The following RP1 variants were observed in gnomAD, a reference collection of about 807,000 sequenced individuals.
RP1 encodes the protein oxygen-regulated protein 1.
RP1 carries 16 observed loss-of-function variants against 14.8 expected under a neutral mutation model. The observed-to-expected ratio is 1.08, with a 90% CI of 0.73 to 1.65. The LOEUF is 1.65. Ranked by LOEUF, RP1 falls within the 40% of genes most tolerant of loss-of-function variation. The pLI, the probability that RP1 is intolerant of heterozygous loss-of-function variation, is 0.00. For synonymous variants in RP1, 876 were observed against 883.6 expected, an observed-to-expected ratio of 0.99 and a Z score of 0.15; for missense variants, 2,631 against 2,535.0, an observed-to-expected ratio of 1.04 and a Z score of -0.81.
At chr8:54,724,346 A>G (rs998470605) in intron 16 of RP1, among the ~76,000 whole-genome samples, 10 of 152,218 alleles carry the variant, frequency 6.6e-5, no homozygotes, top group African/African-American at 1.2e-4. Flanking sequence ...TCAATAAAAC[A>G]AAAGACTTTT....
intron 1 of RP1, among the ~76,000 whole-genome samples, chr8:54,570,437 A>G (rs765169971): frequency 1.3e-5 from 2 of 150,038 alleles, no homozygotes; most frequent in Non-Finnish European, 3.0e-5. Flanking sequence ...GTAGTGATTC[A>G]CCAGCCTCAG....
At chr8:54,581,587 TTCC>T (rs1804792770) in intron 1 of RP1, among the ~76,000 whole-genome samples, 1 of 152,216 alleles carries the variant, frequency 6.6e-6, no homozygotes. Flanking sequence ...CCACACTGAC[TTCC>T]ACAATGGTGG....
intron 1 of RP1, among the ~76,000 whole-genome samples, chr8:54,582,729 A>G (rs915020734): frequency 8.6e-5 from 13 of 152,036 alleles, no homozygotes; most frequent in Non-Finnish European, 1.6e-4. Flanking sequence ...ATACCTTGTA[A>G]GTTGGATTCC....
chr8:54,626,167 T>C lies in RP1; in HGVS notation c.2285T>C (p.Leu762Ser). ...TCCAAGAATTTCCATAGAAATAAAT[T>C]AAATACTACTCAAAATTCCAAGGTT... ...TISKNFHRNKLNTTQNSKVQG... is the reference protein window; with the variant it reads ...TISKNFHRNKSNTTQNSKVQG... Residue 762 changes from leucine (L) to serine (S), a missense_variant, in exon 4 of 4, where the codon TTA (leucine) becomes TCA (serine). Physicochemically the swap from Leu to Ser is moderately radical, Grantham distance 145 (BLOSUM62 -2). Coordinates refer to ENST00000220676, the MANE Select transcript of RP1 (RefSeq NM_006269.2). 6.2e-7 allele frequency: 1 copy of C among 1,611,540 alleles called. No homozygotes were observed. Among genetic ancestry groups the C allele is most frequent in the Non-Finnish European group, 8.5e-7 (1 of 1,178,734 alleles).
intron 1 of RP1, among the ~76,000 whole-genome samples, chr8:54,592,460 C>T (rs771890503): frequency 6.6e-6 from 1 of 152,196 alleles, no homozygotes; most frequent in Non-Finnish European, 1.5e-5. Context: ...GTGATTTCCT[C>T]ATCAGGCCAG....
chr8:54,720,072 A>G (rs574224137), intron 15 of RP1: 13 of 1,314,346 alleles, frequency 9.9e-6, no homozygotes, highest in Non-Finnish European at 1.3e-5. Context: ...GACTGGTTTT[A>G]AATTCTGTCT....
intron 17 of RP1, among the ~76,000 whole-genome samples, chr8:54,727,403 AG>A (rs1478704720): frequency 6.6e-6 from 1 of 152,144 alleles, no homozygotes; most frequent in Non-Finnish European, 1.5e-5. Flanking sequence ...TATCTAAATC[AG>A]GGATGGCCAC....
intron 24 of RP1, among the ~76,000 whole-genome samples, chr8:54,827,205 T>C (rs1777948418): frequency 6.6e-6 from 1 of 152,190 alleles, no homozygotes; most frequent in African/African-American, 2.4e-5. Context: ...ACTAGATTTA[T>C]AAAAAATATT....
exon 29 of RP1, chr8:54,870,634 C>T (rs1812568016): frequency 6.6e-6 from 1 of 152,166 alleles, no homozygotes; most frequent in African/African-American, 2.4e-5. Flanking sequence ...CATGAAGCCT[C>T]AAATACTTGT....
chr8:54,864,544 G>T (rs1812418493), intron 27 of RP1, among the ~76,000 whole-genome samples: 1 of 152,112 alleles, frequency 6.6e-6, no homozygotes, highest in African/African-American at 2.4e-5. Flanking sequence ...AATGTTTACA[G>T]ATCATCAAGC....
chr8:54,766,975 T>C (rs1322939242), intron 22 of RP1, among the ~76,000 whole-genome samples: 2 of 152,194 alleles, frequency 1.3e-5, no homozygotes, highest in Non-Finnish European at 2.9e-5. Context: ...CATCTGTTCA[T>C]TGGCTTTGGG....
chr8:54,867,941 G>A lies in RP1; in HGVS notation c.4152-1902G>A, dbSNP rs569545260. The stretch of plus-strand genomic sequence containing the variant: ...TGGTTAGTGACTACCATATTGGCCA[G>A]TATATATACAACATTTGGTTTTATA... On this transcript the variant is annotated intron_variant, in intron 28 of 28. Transcript: ENST00000637698. Among the ~76,000 whole-genome samples, 4 of 152,284 alleles carry A rather than the reference G, an allele frequency of 2.6e-5. No individual in the cohort carries two copies. In the South Asian group the frequency reaches 8.3e-4, roughly 32 times the overall value.
intron 24 of RP1, among the ~76,000 whole-genome samples, chr8:54,815,381 C>T (rs958689434): frequency 3.9e-5 from 6 of 152,082 alleles, no homozygotes; most frequent in African/African-American, 1.4e-4. Context: ...AAATGAAATA[C>T]CAAAATAATC....
intron 22 of RP1, among the ~76,000 whole-genome samples, chr8:54,762,071 G>A (rs934575436): frequency 6.6e-6 from 1 of 152,206 alleles, no homozygotes; most frequent in African/African-American, 2.4e-5. Context: ...GCAGGAGCTG[G>A]AGTGGACAGT....
chr8:54,740,617 G>A (rs1337285396), intron 19 of RP1, among the ~76,000 whole-genome samples: 1 of 151,972 alleles, frequency 6.6e-6, no homozygotes, highest in Non-Finnish European at 1.5e-5. Context: ...AGCTACTCAG[G>A]AGGCTGAGGC....
At chr8:54,869,988 T>C in exon 29 of RP1, 2 of 871,232 alleles carry the variant, frequency 2.3e-6, no homozygotes, top group Non-Finnish European at 3.0e-6. Flanking sequence ...CAAAAGGCTA[T>C]TGATCTGATT....
At chr8:54,756,559 T>C (rs1317367182) in intron 21 of RP1, among the ~76,000 whole-genome samples, 2 of 152,198 alleles carry the variant, frequency 1.3e-5, no homozygotes, top group Admixed American at 6.5e-5. Context: ...AGTTCTGCTT[T>C]GAGTGAGTCA....
intron 1 of RP1, among the ~76,000 whole-genome samples, chr8:54,582,175 T>C (rs1437782250): frequency 6.6e-6 from 1 of 152,166 alleles, no homozygotes; most frequent in African/African-American, 2.4e-5. Context: ...GAATTAATTT[T>C]TGTATAAGGT....
At chr8:54,700,632 T>C (rs1296650362) in intron 13 of RP1, among the ~76,000 whole-genome samples, 1 of 152,160 alleles carries the variant, frequency 6.6e-6, no homozygotes, top group Non-Finnish European at 1.5e-5. Flanking sequence ...GTTGAAGAAA[T>C]ATCTCTTCAA....
Sources: gnomAD v4.1 joint callset for allele counts (sites outside exome capture counted in the v4.1 genomes callset) on GRCh38, gnomAD v4.1.1 for gene constraint, MANE v1.5 for transcripts, NCBI Gene and HGNC (gene_info 2026-07-23, HGNC 2026-07-21) for gene names.